Variants in IPCEF1 observed in about 807,000 individuals in gnomAD.
The protein encoded by IPCEF1 is interactor protein for cytohesin exchange factors 1.
In IPCEF1, 31 loss-of-function variants were observed where a neutral mutation model predicts 50.9. That is an observed-to-expected ratio of 0.61 (90% confidence interval 0.46 to 0.82). IPCEF1 has a LOEUF of 0.82. Among genes scored for constraint, IPCEF1 ranks in the 40% least tolerant of loss-of-function variants. IPCEF1 has a pLI of 0.00. For synonymous variants in IPCEF1, 181 were observed against 192.0 expected (o/e 0.94, Z 0.47); for missense variants, 458 against 514.0 (o/e 0.89, Z 1.05).
chr6:154,314,373 C>T (rs1243476486), intron 1 of IPCEF1, among the ~76,000 whole-genome samples: 1 of 151,994 alleles, frequency 6.6e-6, no homozygotes, highest in Admixed American at 6.6e-5. Flanking sequence ...AGATTAATGA[C>T]ATAATCATTT....
intron 1 of IPCEF1, among the ~76,000 whole-genome samples, chr6:154,298,296 C>T (rs1033844648): frequency 2.0e-5 from 3 of 152,250 alleles, no homozygotes; most frequent in East Asian, 1.9e-4. Flanking sequence ...TTTGAGAACA[C>T]GTCACAAAAT....
At chr6:154,328,163 G>A (rs1487437716) in intron 1 of IPCEF1, among the ~76,000 whole-genome samples, 1 of 151,970 alleles carries the variant, frequency 6.6e-6, no homozygotes, top group Non-Finnish European at 1.5e-5. Context: ...AAACCACCAT[G>A]GTACACATTT....
At chr6:154,355,028 A>G (rs1024479939) in intron 1 of IPCEF1, among the ~76,000 whole-genome samples, 3 of 101,650 alleles carry the variant, frequency 3.0e-5, no homozygotes, top group African/African-American at 9.9e-5. Context: ...ACACACACAC[A>G]CACACACACA....
At chr6:154,221,457 T>C in intron 6 of IPCEF1, 129 bp from the exon 7 acceptor site, 1 of 710,688 alleles carries the variant, frequency 1.4e-6, no homozygotes, top group Middle Eastern at 2.9e-4. Flanking sequence ...CAAAAAATAA[T>C]TTAGTAATAT....
chr6:154,326,189 T>C (rs1783513621), intron 1 of IPCEF1, among the ~76,000 whole-genome samples: 1 of 149,228 alleles, frequency 6.7e-6, no homozygotes, highest in Non-Finnish European at 1.5e-5. Flanking sequence ...ACCACTGCAT[T>C]CCAGCCTGAG....
intron 1 of IPCEF1, among the ~76,000 whole-genome samples, chr6:154,340,670 G>A (rs1212369932): frequency 4.6e-5 from 7 of 152,028 alleles, no homozygotes; most frequent in Non-Finnish European, 1.0e-4. Context: ...CGGATTACCT[G>A]AGGTTGGGAG....
In IPCEF1 at chr6:154,167,961, C is replaced by A; in HGVS notation, c.1063G>T (p.Glu355Ter). 1 of 1,603,928 alleles carries A rather than the reference C, an allele frequency of 6.2e-7. No individual in the cohort carries two copies. Among genetic ancestry groups the A allele is most frequent in the Non-Finnish European group, 8.5e-7 (1 of 1,172,310 alleles). ...AATGTTCGGATTTTGTGGAGTTTCTCGTTTATAGATGGATTTTTACACCGC... is the reference window on the plus strand; with the variant it reads ...AATGTTCGGATTTTGTGGAGTTTCTAGTTTATAGATGGATTTTTACACCGC... ...VKRCKNPSINEKLHKIRTLNS... is the reference protein window; with the variant it reads ...VKRCKNPSIN The change falls in exon 11 of 12, where the codon GAG (glutamate) becomes TAG (stop). Residue 355 changes from glutamate (E) to a stop codon, truncating the protein, a stop_gained. Transcript: ENST00000367220. LOFTEE classifies it high-confidence loss of function.
At chr6:154,216,023 T>G (rs1159282847) in intron 7 of IPCEF1, among the ~76,000 whole-genome samples, 1 of 152,192 alleles carries the variant, frequency 6.6e-6, no homozygotes, top group African/African-American at 2.4e-5. Flanking sequence ...TTTGTTGAAT[T>G]AAACATGAAA....
chr6:154,265,305 G>A (rs1781726362), intron 3 of IPCEF1, among the ~76,000 whole-genome samples: 1 of 151,576 alleles, frequency 6.6e-6, no homozygotes, highest in African/African-American at 2.4e-5. Flanking sequence ...TTTTGAGGCG[G>A]AGTCTCGCTC....
chr6:154,264,310 G>T (rs527606623), intron 3 of IPCEF1, among the ~76,000 whole-genome samples: 1 of 151,942 alleles, frequency 6.6e-6, no homozygotes, highest in African/African-American at 2.4e-5. Flanking sequence ...TGCTGGTGAG[G>T]CCATCCTCCC....
chr6:154,195,288 C>T (rs1272708350), intron 10 of IPCEF1, among the ~76,000 whole-genome samples: 1 of 151,886 alleles, frequency 6.6e-6, no homozygotes, highest in Non-Finnish European at 1.5e-5. Context: ...GGTGGGACTA[C>T]AGGCGCCCGC....
chr6:154,180,862 T>C (rs374438497), intron 10 of IPCEF1, among the ~76,000 whole-genome samples: 5 of 152,108 alleles, frequency 3.3e-5, no homozygotes, highest in African/African-American at 1.2e-4. Flanking sequence ...TAATTTTAGT[T>C]CCCCAACATG....
intron 10 of IPCEF1, among the ~76,000 whole-genome samples, chr6:154,171,174 G>A (rs534805210): frequency 2.9e-4 from 44 of 152,248 alleles, no homozygotes; most frequent in African/African-American, 9.6e-4. Context: ...GAATGTTCAC[G>A]GCAGCATTAT....
At chr6:154,293,911 A>G (rs1782573903) in intron 1 of IPCEF1, among the ~76,000 whole-genome samples, 1 of 152,188 alleles carries the variant, frequency 6.6e-6, no homozygotes, top group African/African-American at 2.4e-5. Context: ...TAGAACATGT[A>G]TCATTCATTT....
intron 1 of IPCEF1, among the ~76,000 whole-genome samples, chr6:154,312,974 G>T (rs1783116966): frequency 6.7e-6 from 1 of 150,272 alleles, no homozygotes; most frequent in South Asian, 2.1e-4. Context: ...CACTTTCGGA[G>T]GGTAAGGTGG....
At chr6:154,314,293 GA>G (rs1183530692) in intron 1 of IPCEF1, among the ~76,000 whole-genome samples, 1 of 152,138 alleles carries the variant, frequency 6.6e-6, no homozygotes, top group Non-Finnish European at 1.5e-5. Context: ...AATGCCAATA[GA>G]AGAATCAAAT....
intron 11 of IPCEF1, among the ~76,000 whole-genome samples, chr6:154,165,599 T>A (rs936169533): frequency 6.6e-6 from 1 of 152,176 alleles, no homozygotes; most frequent in Admixed American, 6.5e-5. Context: ...CTCACAAATG[T>A]CCAGAAAGAG....
chr6:154,308,234 C>T (rs981550291), intron 1 of IPCEF1, among the ~76,000 whole-genome samples: 4 of 152,208 alleles, frequency 2.6e-5, no homozygotes. Context: ...CAAACCCCAG[C>T]TTTCCAAGTA....
intron 3 of IPCEF1, among the ~76,000 whole-genome samples, chr6:154,250,785 A>C (rs1461869341): frequency 3.9e-5 from 6 of 152,236 alleles, no homozygotes; most frequent in Non-Finnish European, 8.8e-5. Context: ...TAGTGATCCT[A>C]ATCTTTAGCA....
Sources: allele counts gnomAD v4.1 joint callset (sites outside exome capture counted in the v4.1 genomes callset), GRCh38; gene constraint gnomAD v4.1.1; transcripts MANE v1.5; gene names NCBI Gene and HGNC (gene_info 2026-07-23, HGNC 2026-07-21).